The following CHD2 variants were observed in gnomAD, a reference collection of about 807,000 sequenced individuals.
CHD2 encodes chromodomain helicase DNA binding protein 2.
Under a neutral mutation model 243.9 loss-of-function variants are expected in CHD2, and 28 were observed. That is an observed-to-expected ratio of 0.11 (90% CI 0.09 to 0.16). CHD2 has a LOEUF of 0.16. Ranked by LOEUF, CHD2 falls within the 10% of genes least tolerant of loss-of-function variation. The pLI, the probability that CHD2 is intolerant of heterozygous loss-of-function variation, is 1.00. For synonymous variants in CHD2, 775 were observed against 779.0 expected (o/e 0.99, Z 0.09); for missense variants, 1,386 against 2,209.8 (o/e 0.63, Z 7.47).
In CHD2 at chr15:92,952,586, A is replaced by G. The variant is rs956248042; in HGVS notation, c.1503-771A>G. Among the ~76,000 whole-genome samples, 4 of 152,286 alleles carry G rather than the reference A, an allele frequency of 2.6e-5. No homozygotes were observed. In the South Asian group the frequency reaches 8.3e-4, roughly 32 times the overall value. On this transcript the variant is annotated intron_variant, in intron 13 of 38. Coordinates refer to ENST00000394196, the MANE Select transcript of CHD2 (RefSeq NM_001271.4). Reference sequence around the variant, plus strand: ...GGGGTTCATGCTCCTATGAGAATCTAATGCCGTTGCTGATCTGACAGGAGG... The same window carrying G: ...GGGGTTCATGCTCCTATGAGAATCTGATGCCGTTGCTGATCTGACAGGAGG...
At chr15:92,972,231 A>G (rs756172766) in intron 18 of CHD2, 34 bp from the exon 19 acceptor site, 2 of 1,592,522 alleles carry the variant, frequency 1.3e-6, no homozygotes, top group Non-Finnish European at 1.7e-6. Flanking sequence ...TTTGTGTTTC[A>G]ACATAATTAT....
Position 92,972,762 on chromosome 15 carries a change from A to G in CHD2, c.2505+345A>G, listed in dbSNP as rs1329683480. On this transcript the variant is annotated intron_variant, in intron 19 of 38. Coordinates refer to ENST00000394196, the MANE Select transcript of CHD2 (RefSeq NM_001271.4). ...GCTACTTGGGAGGCTGAGGCAGGAGAATGGCGTGAACCCGGGAGGCGGAGC... is the reference window on the plus strand; with the variant it reads ...GCTACTTGGGAGGCTGAGGCAGGAGGATGGCGTGAACCCGGGAGGCGGAGC... Among the ~76,000 whole-genome samples the G allele has an allele frequency of 5.4e-4, 26 of 48,294 alleles. 7 individuals are homozygous for G. Among genetic ancestry groups the G allele is most frequent in the African/African-American group, 1.1e-3 (26 of 22,672 alleles). 31.7% of individuals were successfully genotyped at this position (48,294 alleles called of 152,430 possible). A position where few individuals can be genotyped will look rare whatever the true frequency, so the allele number is the denominator to read the frequency against.
rs2053347367 is a variant in CHD2 at position 92,940,706 on chromosome 15, T to C, written c.692+988T>C. ...ACTGTACTACATCCAGGATTGTTTT[T>C]CTTTCTTGTGACTCAATCATTCATT... On this transcript the variant is annotated intron_variant, in intron 7 of 38. Transcript: ENST00000394196. Among the ~76,000 whole-genome samples, 3 of 149,206 alleles carry C rather than the reference T, an allele frequency of 2.0e-5. No individual in the cohort carries two copies. The South Asian group carries it at 6.2e-4, about 31-fold the overall frequency.
At chr15:92,933,861 C>T (rs947064618) in intron 5 of CHD2, among the ~76,000 whole-genome samples, 2 of 152,210 alleles carry the variant, frequency 1.3e-5, no homozygotes, top group Non-Finnish European at 2.9e-5. Flanking sequence ...CCACCATGGC[C>T]TCCCAAAGTG....
rs1236221333 is a variant in CHD2, at chr15:92,998,732, C to T, written c.4008+111C>T. 2 of 1,324,370 alleles carry T rather than the reference C, an allele frequency of 1.5e-6. No individual in the cohort carries two copies. Among genetic ancestry groups the T allele is most frequent in the East Asian group, 2.4e-5 (1 of 41,850 alleles). The allele number at this position is 1,324,370 out of a possible 1,614,324, so 82.0% of individuals were successfully genotyped here. ...AGCACTGCACAGAATGTCACCTTCT[C>T]ATGGGCATATTTTGTTTTTGAGGTT... On this transcript the variant is annotated intron_variant, in intron 31 of 38. Transcript: ENST00000394196. This position sits in a 1 kb window ranked among gnomAD's most constrained non-coding sequence, Gnocchi z 5.1.
intron 13 of CHD2, 185 bp downstream of exon 13, chr15:92,949,261 G>T: frequency 7.2e-7 from 1 of 1,388,486 alleles, no homozygotes; most frequent in Admixed American, 3.2e-5. Context: ...TTATGTATGT[G>T]TAATACCATT....
At chr15:92,932,812 C>T (rs957188181) in intron 5 of CHD2, among the ~76,000 whole-genome samples, 8 of 116,736 alleles carry the variant, frequency 6.9e-5, no homozygotes, top group South Asian at 3.0e-4. Context: ...GGCTGGAGTA[C>T]GATGGCGCAA....
At chr15:92,995,282 C>T (rs1474190700) in intron 28 of CHD2, among the ~76,000 whole-genome samples, 1 of 152,152 alleles carries the variant, frequency 6.6e-6, no homozygotes, top group Non-Finnish European at 1.5e-5. Flanking sequence ...TTAGGGACTG[C>T]TTTTCTCATT....
intron 35 of CHD2, 170 bp downstream of exon 35, chr15:93,009,493 A>T: frequency 1.7e-6 from 1 of 605,784 alleles, no homozygotes; most frequent in Non-Finnish European, 2.8e-6. Context: ...GAAATAGGCC[A>T]TTCCACTGAG....
intron 15 of CHD2, 130 bp from the exon 16 acceptor site, chr15:92,956,329 T>C (rs2053617663): frequency 1.5e-6 from 1 of 668,232 alleles, no homozygotes. Flanking sequence ...CTAATATATA[T>C]TGTCAGTGAA....
intron 31 of CHD2, among the ~76,000 whole-genome samples, chr15:92,999,365 T>G (rs7162369): frequency 0.038 from 5,736 of 152,284 alleles, 268 homozygotes; most frequent in African/African-American, 0.1. Context: ...TGGACAGTTG[T>G]AATGCACAGT....
intron 2 of CHD2, among the ~76,000 whole-genome samples, chr15:92,910,549 TAC>T (rs2052713513): frequency 6.6e-6 from 1 of 151,988 alleles, no homozygotes; most frequent in Admixed American, 6.6e-5. Flanking sequence ...TTTGCCACCA[TAC>T]ACCCAGCTAC....
intron 28 of CHD2, among the ~76,000 whole-genome samples, chr15:92,995,086 C>T: frequency 6.6e-6 from 1 of 152,146 alleles, no homozygotes; most frequent in East Asian, 1.9e-4. Context: ...TTACTGTTAA[C>T]AAAAGAATGC....
At chr15:93,021,936 A>C (rs191137958) in intron 38 of CHD2, 1 of 152,256 alleles carries the variant, frequency 6.6e-6, no homozygotes, top group East Asian at 1.9e-4. Flanking sequence ...TATTCCTGTA[A>C]GTATTCTGGA....
chr15:92,950,633 A>G (rs1168457282), intron 13 of CHD2, among the ~76,000 whole-genome samples: 1 of 152,110 alleles, frequency 6.6e-6, no homozygotes, highest in Non-Finnish European at 1.5e-5. Flanking sequence ...ATGCTTATGT[A>G]GTCTCAGCTA....
intron 2 of CHD2, among the ~76,000 whole-genome samples, chr15:92,919,670 C>T (rs758100629): frequency 2.0e-5 from 3 of 152,170 alleles, no homozygotes; most frequent in South Asian, 2.1e-4. Flanking sequence ...GGATTACAGG[C>T]GTGAGCCACC....
intron 34 of CHD2, among the ~76,000 whole-genome samples, chr15:93,006,691 A>T (rs1406909077): frequency 6.6e-6 from 1 of 152,224 alleles, no homozygotes; most frequent in African/African-American, 2.4e-5. Context: ...CATAGAACAC[A>T]GTTTTGACCC....
intron 2 of CHD2, among the ~76,000 whole-genome samples, chr15:92,914,242 G>A (rs923280999): frequency 2.0e-5 from 3 of 152,148 alleles, no homozygotes; most frequent in Non-Finnish European, 2.9e-5. Flanking sequence ...TGAATTCTGG[G>A]GAGAACTCCC....
At position 93,020,224 on chromosome 15, in the gene CHD2, C is replaced by G. The variant is rs1468532398; in HGVS notation, c.5119C>G (p.Arg1707Gly). 1 of 1,613,946 alleles carries G rather than the reference C, an allele frequency of 6.2e-7. No individual in the cohort carries two copies. The highest frequency in any genetic ancestry group is 2.2e-5 in the East Asian group (1 of 44,880). Residue 1707 changes from arginine to glycine, a missense_variant, in exon 38 of 39, where the codon CGA becomes GGA. This residue lies in a region of CHD2 where 347 missense variants were observed against 341.6 expected (regional missense o/e 1.02). Coordinates refer to ENST00000394196, the MANE Select transcript of CHD2 (RefSeq NM_001271.4). ...KRPYDQYSSDRDHRGHRDYYD... is the reference protein window; with the variant it reads ...KRPYDQYSSDGDHRGHRDYYD... ...GCCTTATGACCAGTACAGCAGTGAC[C>G]GAGACCACCGGGGACACAGAGATTA...
Sources: gnomAD v4.1 joint callset for allele counts (sites outside exome capture counted in the v4.1 genomes callset) on GRCh38, gnomAD v4.1.1 for gene constraint, gnomAD v4.1.1 regional missense constraint, Gnocchi (gnomAD v3.1) non-coding constraint, MANE v1.5 for transcripts, NCBI Gene and HGNC (gene_info 2026-07-23, HGNC 2026-07-21) for gene names.